The following CNTNAP5 variants were observed in gnomAD, a reference collection of about 807,000 sequenced individuals.
CNTNAP5 encodes contactin-associated protein-like 5.
A neutral mutation model predicts 150.2 loss-of-function variants in CNTNAP5; 72 were observed. That is an observed-to-expected ratio of 0.48 (90% CI 0.40 to 0.58). The LOEUF (loss-of-function observed/expected upper bound fraction) is 0.58, where lower values mean the gene tolerates loss of function less well. CNTNAP5 is among the 20% of genes least tolerant of loss of function. CNTNAP5 has a pLI of 0.00. For synonymous variants in CNTNAP5, 672 were observed against 619.8 expected, an observed-to-expected ratio of 1.08 and a Z score of -1.25; for missense variants, 1,636 against 1,626.2, an observed-to-expected ratio of 1.01 and a Z score of -0.10.
At chr2:124,851,905 G>A (rs1010988283) in intron 19 of CNTNAP5, among the ~76,000 whole-genome samples, 50 of 152,092 alleles carry the variant, frequency 3.3e-4, no homozygotes, top group Non-Finnish European at 3.4e-4. Context: ...GGCATTGTTC[G>A]GACAAACAAA....
chr2:124,286,545 A>C lies in CNTNAP5; in HGVS notation c.381+44152A>C, dbSNP rs1573891664. Among the ~76,000 whole-genome samples the C allele has an allele frequency of 2.6e-5, 4 of 152,306 alleles. No homozygotes were observed. In the East Asian group the frequency reaches 5.8e-4, roughly 22 times the overall value. On this transcript the variant is annotated intron_variant, in intron 3 of 23. Coordinates refer to ENST00000682447, the MANE Select transcript of CNTNAP5 (RefSeq NM_001367498.1). ...CAATTGTTTTAGAGCAGTGGCCCTC[A>C]AGTAGAATGTGAACACAAACCTCCT...
intron 1 of CNTNAP5, among the ~76,000 whole-genome samples, chr2:124,067,824 A>ATAGTTAGAC (rs1456381927): frequency 6.6e-6 from 1 of 152,218 alleles, no homozygotes; most frequent in East Asian, 1.9e-4. Flanking sequence ...TGTATTTTCC[A>ATAGTTAGAC]TAGTTAGACT....
chr2:124,607,509 A>G (rs1677275488), intron 11 of CNTNAP5, among the ~76,000 whole-genome samples: 1 of 152,202 alleles, frequency 6.6e-6, no homozygotes, highest in African/African-American at 2.4e-5. Context: ...AGAGCAAGCC[A>G]GTAAGTCCAG....
chr2:124,607,806 G>C lies in CNTNAP5; in HGVS notation c.1757-1995G>C, dbSNP rs546218542. On this transcript the variant is annotated intron_variant, in intron 11 of 23. Coordinates refer to ENST00000682447, the MANE Select transcript of CNTNAP5 (RefSeq NM_001367498.1). Reference sequence around the variant, plus strand: ...CTGTCATCCCGGGAATGTGGGAGTGGTTGGGAGGTCAACATAGACAACAGC... The same window carrying C: ...CTGTCATCCCGGGAATGTGGGAGTGCTTGGGAGGTCAACATAGACAACAGC... Among the ~76,000 whole-genome samples the C allele has an allele frequency of 6.6e-5, 10 of 152,320 alleles. 1 individual carries two copies. The South Asian group carries it at 1.4e-3, about 22-fold the overall frequency.
intron 1 of CNTNAP5, among the ~76,000 whole-genome samples, chr2:124,067,169 G>A (rs1277359512): frequency 6.6e-6 from 1 of 152,162 alleles, no homozygotes; most frequent in Non-Finnish European, 1.5e-5. Flanking sequence ...ACAAAATCTG[G>A]AAGTATAGTC....
intron 1 of CNTNAP5, among the ~76,000 whole-genome samples, chr2:124,164,376 T>C (rs1393169282): frequency 6.6e-6 from 1 of 152,198 alleles, no homozygotes; most frequent in Non-Finnish European, 1.5e-5. Flanking sequence ...ACACCCAGCC[T>C]GCTCATTCAT....
In CNTNAP5 at chr2:124,743,759, C is replaced by A. The variant is rs116689376; in HGVS notation, c.2078-3470C>A. On this transcript the variant is annotated intron_variant, in intron 13 of 23. Transcript: ENST00000682447. ...ATTCAAGAACCTGATCAATTAAGTT[C>A]TATTTTATCTGTTTTATGCTACCCA... 6.4e-4 allele frequency among the ~76,000 whole-genome samples: 97 copies of A among 152,242 alleles called. 1 individual carries two copies. The highest frequency in any genetic ancestry group is 2.2e-3 in the African/African-American group (93 of 41,558).
At chr2:124,476,298 G>C (rs1343980164) in intron 7 of CNTNAP5, among the ~76,000 whole-genome samples, 1 of 152,120 alleles carries the variant, frequency 6.6e-6, no homozygotes, top group Non-Finnish European at 1.5e-5. Flanking sequence ...GAGAAGGATA[G>C]TTTGTTGCAT....
chr2:124,851,070 TAA>T (rs1257759184), intron 19 of CNTNAP5, among the ~76,000 whole-genome samples: 1 of 152,152 alleles, frequency 6.6e-6, no homozygotes, highest in Non-Finnish European at 1.5e-5. Context: ...TAGCTAACAT[TAA>T]AAGAGTTGCA....
At chr2:124,643,454 A>G (rs1188036867) in intron 12 of CNTNAP5, among the ~76,000 whole-genome samples, 1 of 152,218 alleles carries the variant, frequency 6.6e-6, no homozygotes, top group Non-Finnish European at 1.5e-5. Flanking sequence ...AAGGACACAA[A>G]TAAAGACAGA....
chr2:124,539,320 A>C (rs1187859832), intron 10 of CNTNAP5, among the ~76,000 whole-genome samples: 1 of 152,220 alleles, frequency 6.6e-6, no homozygotes, highest in Non-Finnish European at 1.5e-5. Context: ...GGCTGAACTG[A>C]TACTTCTGCA....
intron 1 of CNTNAP5, among the ~76,000 whole-genome samples, chr2:124,134,254 G>A (rs1378033450): frequency 6.6e-6 from 1 of 151,710 alleles, no homozygotes; most frequent in African/African-American, 2.4e-5. Flanking sequence ...TCTTCCTGGA[G>A]TAAAAGAAAA....
chr2:124,320,057 CT>C (rs1359349940), intron 3 of CNTNAP5, among the ~76,000 whole-genome samples: 1 of 152,168 alleles, frequency 6.6e-6, no homozygotes, highest in Non-Finnish European at 1.5e-5. Context: ...ATGTTACAGT[CT>C]TTTTAGCCAA....
intron 1 of CNTNAP5, among the ~76,000 whole-genome samples, chr2:124,184,143 A>G (rs1233421449): frequency 1.3e-5 from 2 of 152,184 alleles, no homozygotes; most frequent in Non-Finnish European, 2.9e-5. Context: ...GTGCCAAGAC[A>G]TATACACAAG....
intron 13 of CNTNAP5, among the ~76,000 whole-genome samples, chr2:124,713,126 G>C (rs1679841928): frequency 6.6e-6 from 1 of 151,836 alleles, no homozygotes; most frequent in South Asian, 2.1e-4. Flanking sequence ...CTGTAACAAT[G>C]TCTTCCTTTC....
At chr2:124,106,761 A>G (rs1327069112) in intron 1 of CNTNAP5, among the ~76,000 whole-genome samples, 2 of 152,198 alleles carry the variant, frequency 1.3e-5, no homozygotes, top group Admixed American at 6.5e-5. Context: ...CCCCATATAT[A>G]TAGCTGGTCA....
chr2:124,903,612 T>C (rs1678463050), intron 22 of CNTNAP5, among the ~76,000 whole-genome samples: 1 of 152,190 alleles, frequency 6.6e-6, no homozygotes, highest in South Asian at 2.1e-4. Context: ...ACAATTAAAT[T>C]AATCAACACA....
At position 124,779,873 on chromosome 2, in the gene CNTNAP5, A is replaced by G. The variant is rs13017910; in HGVS notation, c.2752+6856A>G. ...CCCCCCTATCTCTGTGAGCACACAC[A>G]ATACGCCTGATTATACTGACCTGAT... is the stretch of plus-strand genomic sequence containing the variant. On this transcript the variant is annotated intron_variant, in intron 17 of 23. Transcript: ENST00000682447. Among the ~76,000 whole-genome samples the G allele has an allele frequency of 4.5e-3, 690 of 152,268 alleles. 6 individuals are homozygous for G. The highest frequency in any genetic ancestry group is 6.4e-3 in the Non-Finnish European group (433 of 68,018).
chr2:124,455,136 A>G (rs1012850307), intron 6 of CNTNAP5, among the ~76,000 whole-genome samples: 4 of 152,146 alleles, frequency 2.6e-5, no homozygotes, highest in Non-Finnish European at 4.4e-5. Flanking sequence ...GATAAATAAA[A>G]TTTATAGACC....
Sources: allele counts gnomAD v4.1 joint callset (sites outside exome capture counted in the v4.1 genomes callset), GRCh38; gene constraint gnomAD v4.1.1; transcripts MANE v1.5; gene names NCBI Gene and HGNC (gene_info 2026-07-23, HGNC 2026-07-21).